The following BNC2 variants were observed in gnomAD, a reference collection of about 807,000 sequenced individuals.
BNC2 encodes the protein zinc finger protein basonuclin-2.
In BNC2, 20 loss-of-function variants were observed where a neutral mutation model predicts 76.3. That is an observed-to-expected ratio of 0.26 (90% CI 0.18 to 0.38). The LOEUF (loss-of-function observed/expected upper bound fraction) is 0.38, where lower values mean the gene tolerates loss of function less well. BNC2 is among the 10% of genes least tolerant of loss of function. BNC2 has a pLI of 1.00. For synonymous variants in BNC2, 582 were observed against 514.8 expected, an observed-to-expected ratio of 1.13 and a Z score of -1.77; for missense variants, 1,382 against 1,399.8, an observed-to-expected ratio of 0.99 and a Z score of 0.20.
At chr9:16,525,538 A>C (rs142509802) in intron 5 of BNC2, among the ~76,000 whole-genome samples, 1 of 152,234 alleles carries the variant, frequency 6.6e-6, no homozygotes, top group Admixed American at 6.5e-5. Flanking sequence ...AATAAAAGCA[A>C]TGTACTACCA....
intron 1 of BNC2, among the ~76,000 whole-genome samples, chr9:16,801,162 TGTAA>T (rs1470009298): frequency 1.3e-5 from 2 of 152,210 alleles, no homozygotes; most frequent in Non-Finnish European, 2.9e-5. Flanking sequence ...CTTTTTCACA[TGTAA>T]GTCTTTTTGT....
intron 5 of BNC2, among the ~76,000 whole-genome samples, chr9:16,511,774 G>C (rs775861149): frequency 5.3e-5 from 8 of 151,966 alleles, no homozygotes; most frequent in Non-Finnish European, 1.0e-4. Context: ...GAAGAATAAA[G>C]ACCTTTTGCC....
chr9:16,503,798 A>G (rs558146629), intron 5 of BNC2, among the ~76,000 whole-genome samples: 1 of 152,316 alleles, frequency 6.6e-6, no homozygotes, highest in East Asian at 1.9e-4. Context: ...CACCTTTATA[A>G]ATACCTTAAG....
Position 16,726,559 on chromosome 9 carries a change from T to TAAAA in BNC2, c.330+1234_330+1237dup, listed in dbSNP as rs35579154. Among the ~76,000 whole-genome samples the TAAAA allele has an allele frequency of 9.6e-3, 978 of 102,292 alleles. 9 individuals carry two copies. The highest frequency in any genetic ancestry group is 0.033 in the Middle Eastern group (6 of 184). The allele number at this position is 102,292 out of a possible 152,430, so 67.1% of individuals were successfully genotyped here. A position where few individuals can be genotyped will look rare whatever the true frequency, so the allele number is the denominator to read the frequency against. ...TGAACTCTTACAAACAAAAGCTTTT[T>TAAAA]AAAAAAAAAAAAAAAAAAAGCAGTT... On this transcript the variant is annotated intron_variant, in intron 3 of 6. Coordinates refer to ENST00000380672, the MANE Select transcript of BNC2 (RefSeq NM_017637.6).
chr9:16,736,852 G>C (rs1224298923), intron 2 of BNC2, among the ~76,000 whole-genome samples: 1 of 151,768 alleles, frequency 6.6e-6, no homozygotes, highest in South Asian at 2.1e-4. Context: ...TGTTGTGCAG[G>C]CTGGAGTGCA....
At chr9:16,434,453 T>C (rs1296025531) in intron 6 of BNC2, among the ~76,000 whole-genome samples, 1 of 152,210 alleles carries the variant, frequency 6.6e-6, no homozygotes, top group Non-Finnish European at 1.5e-5. Flanking sequence ...ATTTCCACCA[T>C]GTTATAAAAT....
At chr9:16,834,076 G>A (rs1471072416) in intron 1 of BNC2, among the ~76,000 whole-genome samples, 1 of 151,914 alleles carries the variant, frequency 6.6e-6, no homozygotes, top group Non-Finnish European at 1.5e-5. Context: ...AATCTTCTCT[G>A]ACCCCACAAA....
rs1428151194 is a variant in BNC2, at chr9:16,451,376, C to T, written c.670-13852G>A. 3.3e-5 allele frequency among the ~76,000 whole-genome samples: 5 copies of T among 152,324 alleles called. No homozygotes were observed. In the East Asian group the frequency reaches 9.6e-4, roughly 29 times the overall value. ...TACTCACTTTAATCCACTTTCTACA[C>T]ACTTTCATCAAATTTCAAAAACATG... On this transcript the variant is annotated intron_variant, in intron 5 of 6. Coordinates refer to ENST00000380672, the MANE Select transcript of BNC2 (RefSeq NM_017637.6).
At chr9:16,554,037 A>T (rs1818746038) in intron 4 of BNC2, among the ~76,000 whole-genome samples, 1 of 152,232 alleles carries the variant, frequency 6.6e-6, no homozygotes, top group African/African-American at 2.4e-5. Flanking sequence ...AGTCAGGCAA[A>T]TGGGTATCAG....
At chr9:16,564,479 A>C (rs1819112602) in intron 4 of BNC2, among the ~76,000 whole-genome samples, 1 of 152,130 alleles carries the variant, frequency 6.6e-6, no homozygotes, top group Non-Finnish European at 1.5e-5. Flanking sequence ...GATTCAGAGG[A>C]AACATCAGGT....
intron 5 of BNC2, among the ~76,000 whole-genome samples, chr9:16,501,624 G>A (rs1452696784): frequency 6.6e-6 from 1 of 152,132 alleles, no homozygotes; most frequent in Middle Eastern, 3.2e-3. Flanking sequence ...GCATAACATA[G>A]AGTATTTCTC....
chr9:16,519,706 T>C (rs1174516352), intron 5 of BNC2, among the ~76,000 whole-genome samples: 3 of 152,222 alleles, frequency 2.0e-5, no homozygotes, highest in African/African-American at 4.8e-5. Flanking sequence ...TTTTCTCCAG[T>C]TTTTTCTACA....
chr9:16,699,341 TGC>T, intron 3 of BNC2: 1 of 323,450 alleles, frequency 3.1e-6, no homozygotes, highest in South Asian at 2.6e-5. Context: ...ATCAGTGCCT[TGC>T]TTCTGGGTTA....
chr9:16,434,837 T>C (rs1354601694), intron 6 of BNC2: 2 of 456,844 alleles, frequency 4.4e-6, no homozygotes, highest in Non-Finnish European at 8.8e-6. Context: ...CTGTGCATAA[T>C]CCGCATGGTA....
intron 3 of BNC2, among the ~76,000 whole-genome samples, chr9:16,658,141 G>A (rs528010882): frequency 3.3e-5 from 5 of 152,260 alleles, no homozygotes; most frequent in East Asian, 3.9e-4. Flanking sequence ...CAATAAAACT[G>A]TGCAGCAATT....
chr9:16,558,577 G>C (rs1818909466), intron 4 of BNC2, among the ~76,000 whole-genome samples: 1 of 152,066 alleles, frequency 6.6e-6, no homozygotes, highest in South Asian at 2.1e-4. Flanking sequence ...CATTCTGTAA[G>C]TTGGAACTAA....
At chr9:16,868,877 C>G (rs187769308) in intron 1 of BNC2, among the ~76,000 whole-genome samples, 1 of 152,248 alleles carries the variant, frequency 6.6e-6, no homozygotes, top group Admixed American at 6.5e-5. Context: ...ATCTTCAGAT[C>G]AGACACACTA....
chr9:16,641,214 G>T (rs951939193), intron 3 of BNC2, among the ~76,000 whole-genome samples: 1 of 152,074 alleles, frequency 6.6e-6, no homozygotes, highest in African/African-American at 2.4e-5. Flanking sequence ...ATCACACTAT[G>T]TACAGTATGC....
intron 5 of BNC2, among the ~76,000 whole-genome samples, chr9:16,444,961 G>T (rs1478703448): frequency 2.0e-5 from 3 of 151,954 alleles, no homozygotes; most frequent in Non-Finnish European, 4.4e-5. Context: ...GTTAGATTAT[G>T]TTTATCTCTC....
Sources: gnomAD v4.1 joint callset for allele counts (sites outside exome capture counted in the v4.1 genomes callset) on GRCh38, gnomAD v4.1.1 for gene constraint, MANE v1.5 for transcripts, NCBI Gene and HGNC (gene_info 2026-07-23, HGNC 2026-07-21) for gene names.